Variants in NEMP2 observed in about 807,000 individuals in gnomAD.
NEMP2 encodes UPF0571 transmembrane protein.
In NEMP2, 53 loss-of-function variants were observed where a neutral mutation model predicts 54.2. The ratio of observed to expected loss-of-function variants is 0.98; its 90% CI spans 0.78 to 1.23. The LOEUF (loss-of-function observed/expected upper bound fraction) is 1.23, where lower values mean the gene tolerates loss of function less well. Ranked by LOEUF, NEMP2 falls within the 50% of genes most tolerant of loss-of-function variation. The pLI is 0.00. For missense variants in NEMP2, 455 were observed against 511.3 expected, an observed-to-expected ratio of 0.89 and a Z score of 1.06; for synonymous variants, 197 against 190.3, an observed-to-expected ratio of 1.04 and a Z score of -0.29.
At chr2:190,511,784 G>C (rs904648025) in intron 7 of NEMP2, among the ~76,000 whole-genome samples, 1 of 151,000 alleles carries the variant, frequency 6.6e-6, no homozygotes, top group Non-Finnish European at 1.5e-5. Flanking sequence ...TCAAACTCTT[G>C]ACCTCATGAT....
chr2:190,436,723 G>T, the NEMP2 span: 1 of 1,614,180 alleles, frequency 6.2e-7, no homozygotes. The surrounding 1 kb of genome is among the most constrained non-coding windows in gnomAD (Gnocchi z 5.3). Context: ...CCAGACAGGT[G>T]AAATTACTAA....
the NEMP2 span, among the ~76,000 whole-genome samples, chr2:190,572,532 A>T: frequency 1.3e-5 from 2 of 152,142 alleles, no homozygotes; most frequent in South Asian, 4.1e-4. Context: ...GGTAGGTAGG[A>T]ACTCTATTAC....
At chr2:190,486,616 GT>G in the NEMP2 span, among the ~76,000 whole-genome samples, 1 of 152,182 alleles carries the variant, frequency 6.6e-6, no homozygotes, top group South Asian at 2.1e-4. Flanking sequence ...TGTCTCATAT[GT>G]TTTGTCCGGT....
At chr2:190,557,778 A>G in the NEMP2 span, among the ~76,000 whole-genome samples, 1 of 152,258 alleles carries the variant, frequency 6.6e-6, no homozygotes, top group Non-Finnish European at 1.5e-5. Flanking sequence ...GTGAGATAGC[A>G]TCTCACGCCA....
chr2:190,471,848 G>T, the NEMP2 span, among the ~76,000 whole-genome samples: 5 of 152,160 alleles, frequency 3.3e-5, no homozygotes, highest in African/African-American at 4.8e-5. This position sits in a 1 kb window ranked among gnomAD's most constrained non-coding sequence, Gnocchi z 4.7. Context: ...CCCAGTAGGG[G>T]CAGACTGATA....
At chr2:190,484,265 G>T in the NEMP2 span, among the ~76,000 whole-genome samples, 1 of 152,084 alleles carries the variant, frequency 6.6e-6, no homozygotes, top group Non-Finnish European at 1.5e-5. Context: ...TACCAACTTT[G>T]TTATCTCATA....
the NEMP2 span, among the ~76,000 whole-genome samples, chr2:190,593,864 T>C: frequency 0.013 from 2,022 of 152,352 alleles, 48 homozygotes; most frequent in African/African-American, 0.046. The surrounding 1 kb of genome is among the most constrained non-coding windows in gnomAD (Gnocchi z 4.5). Context: ...AGCTGTGACC[T>C]CAACAGCTTC....
the NEMP2 span, among the ~76,000 whole-genome samples, chr2:190,448,838 GTC>G: frequency 6.6e-6 from 1 of 152,132 alleles, no homozygotes; most frequent in South Asian, 2.1e-4. Context: ...GTGCTAGACA[GTC>G]TCTACCTTTT....
chr2:190,635,192 T>C, the NEMP2 span, among the ~76,000 whole-genome samples: 1 of 152,164 alleles, frequency 6.6e-6, no homozygotes, highest in African/African-American at 2.4e-5. The surrounding 1 kb of genome is among the most constrained non-coding windows in gnomAD (Gnocchi z 4.1). Flanking sequence ...TTAACCTAGA[T>C]AGAAATATAT....
the NEMP2 span, among the ~76,000 whole-genome samples, chr2:190,542,090 A>G: frequency 1.6e-4 from 25 of 152,002 alleles, no homozygotes; most frequent in Non-Finnish European, 3.7e-4. The surrounding 1 kb of genome is among the most constrained non-coding windows in gnomAD (Gnocchi z 4.6). Context: ...GTGTTCTCTG[A>G]CCTTCCTGTA....
the NEMP2 span, among the ~76,000 whole-genome samples, chr2:190,486,665 CT>C: frequency 1.3e-5 from 2 of 152,154 alleles, no homozygotes; most frequent in African/African-American, 4.8e-5. Context: ...AATTTAGTCC[CT>C]GTTATTCCAT....
chr2:190,625,623 T>C, the NEMP2 span: 1 of 152,182 alleles, frequency 6.6e-6, no homozygotes. Flanking sequence ...AAGCAAGCTA[T>C]ACAGAAAAAG....
chr2:190,469,895 C>T, the NEMP2 span: 1 of 1,458,844 alleles, frequency 6.9e-7, no homozygotes, highest in Non-Finnish European at 9.6e-7. The surrounding 1 kb of genome is among the most constrained non-coding windows in gnomAD (Gnocchi z 5.3). Context: ...TCTCTGCCTT[C>T]CCTGAGCTGT....
the NEMP2 span, among the ~76,000 whole-genome samples, chr2:190,478,576 C>CT: frequency 6.6e-6 from 1 of 152,148 alleles, no homozygotes; most frequent in African/African-American, 2.4e-5. Context: ...AAAGGAGACT[C>CT]TATTTAGGAT....
chr2:190,621,966 G>T, the NEMP2 span, among the ~76,000 whole-genome samples: 10 of 152,174 alleles, frequency 6.6e-5, no homozygotes, highest in African/African-American at 2.4e-4. Flanking sequence ...AATTAGCTGG[G>T]CAGGGTGGCA....
At chr2:190,455,934 C>T in the NEMP2 span, among the ~76,000 whole-genome samples, 22 of 65,366 alleles carry the variant, frequency 3.4e-4, no homozygotes, top group Admixed American at 1.1e-3. Flanking sequence ...ATTTACTCTG[C>T]TTTTTTTTTT....
At chr2:190,641,907 A>C in the NEMP2 span, among the ~76,000 whole-genome samples, 2 of 152,218 alleles carry the variant, frequency 1.3e-5, no homozygotes, top group African/African-American at 4.8e-5. Context: ...AAATTTCCCG[A>C]AATTCTCTTA....
the NEMP2 span, among the ~76,000 whole-genome samples, chr2:190,647,931 G>A: frequency 6.6e-6 from 1 of 151,980 alleles, no homozygotes; most frequent in African/African-American, 2.4e-5. Context: ...CCAGGCTGGT[G>A]TCCAACTCCG....
the NEMP2 span, among the ~76,000 whole-genome samples, chr2:190,623,423 C>T: frequency 1.3e-5 from 2 of 152,164 alleles, no homozygotes; most frequent in Non-Finnish European, 2.9e-5. Context: ...AAATACACTA[C>T]AAAGCTATAG....
Sources: allele counts gnomAD v4.1 joint callset (sites outside exome capture counted in the v4.1 genomes callset), GRCh38; gene constraint gnomAD v4.1.1; non-coding constraint Gnocchi (gnomAD v3.1); transcripts MANE v1.5; gene names NCBI Gene and HGNC (gene_info 2026-07-23, HGNC 2026-07-21).